The following CBFA2T3 variants were observed in gnomAD, a reference collection of about 807,000 sequenced individuals.
CBFA2T3 encodes transcriptional corepressor CBFA2T3.
In CBFA2T3, 31 loss-of-function variants were observed where a neutral mutation model predicts 58.6. The observed-to-expected ratio is 0.53, with a 90% CI of 0.40 to 0.71. The LOEUF (loss-of-function observed/expected upper bound fraction) is 0.71. CBFA2T3 is among the 30% of genes least tolerant of loss of function. The pLI is 0.00. For missense variants in CBFA2T3, 1,076 were observed against 963.1 expected, an observed-to-expected ratio of 1.12 and a Z score of -1.55; for synonymous variants, 531 against 421.9, an observed-to-expected ratio of 1.26 and a Z score of -3.17.
intron 11 of CBFA2T3, 22 bp from the exon 12 acceptor site, chr16:88,877,297 A>T: frequency 6.5e-7 from 1 of 1,531,078 alleles, no homozygotes; most frequent in Non-Finnish European, 8.8e-7. Context: ...CAGAGGGGCC[A>T]GTCAGGGCTG....
intron 1 of CBFA2T3, among the ~76,000 whole-genome samples, chr16:88,949,906 A>G (rs899933661): frequency 2.0e-5 from 3 of 152,022 alleles, no homozygotes; most frequent in Non-Finnish European, 4.4e-5. Context: ...GCTATTGGGG[A>G]GGCTGAGGCA....
intron 1 of CBFA2T3, among the ~76,000 whole-genome samples, chr16:88,919,212 G>A (rs7190075): frequency 6.6e-6 from 1 of 151,594 alleles, no homozygotes; most frequent in Non-Finnish European, 1.5e-5. Flanking sequence ...TCTAAGTTGC[G>A]AGCCAATCGG....
intron 2 of CBFA2T3, among the ~76,000 whole-genome samples, chr16:88,898,564 C>T (rs2911455): frequency 6.6e-6 from 1 of 152,232 alleles, no homozygotes; most frequent in African/African-American, 2.4e-5. Flanking sequence ...AGGGGCGGGG[C>T]CCCTTGTTTT....
intron 2 of CBFA2T3, among the ~76,000 whole-genome samples, chr16:88,899,166 G>A (rs913039824): frequency 3.3e-5 from 5 of 150,356 alleles, no homozygotes; most frequent in Middle Eastern, 3.5e-3. Flanking sequence ...TCAAGTCTCC[G>A]TTCAGACTCA....
chr16:88,884,909 C>A, intron 7 of CBFA2T3, 137 bp downstream of exon 7: 1 of 640,774 alleles, frequency 1.6e-6, no homozygotes, highest in Non-Finnish European at 2.6e-6. Flanking sequence ...GAATGCCAGG[C>A]AGGGGGAAGG....
chr16:88,932,111 A>G (rs1971328641), intron 1 of CBFA2T3, among the ~76,000 whole-genome samples: 1 of 152,028 alleles, frequency 6.6e-6, no homozygotes, highest in African/African-American at 2.4e-5. Context: ...CACCCGACGC[A>G]GTGACCTTGG....
Position 88,885,743 on chromosome 16 carries a change from C to G in CBFA2T3, c.893+218G>C, listed in dbSNP as rs1393126142. On this transcript the variant is annotated intron_variant, in intron 6 of 11. Coordinates refer to ENST00000268679, the MANE Select transcript of CBFA2T3 (RefSeq NM_005187.6). This position sits in a 1 kb window ranked among gnomAD's most constrained non-coding sequence, Gnocchi z 5.3. ...CCAGCCTCCTCCCTGTCCTCCTAGG[C>G]TCCCCGGAGCATCTGAGTCTGCAGC... The G allele has an allele frequency of 1.8e-6, 1 of 565,690 alleles. No homozygotes were observed. The highest frequency in any genetic ancestry group is 3.1e-6 in the Non-Finnish European group (1 of 318,108). The allele number at this position is 565,690 out of a possible 1,614,324, so 35.0% of individuals were successfully genotyped here. A position where few individuals can be genotyped will look rare whatever the true frequency, so the allele number is the denominator to read the frequency against.
At position 88,890,726 on chromosome 16, in the gene CBFA2T3, A is replaced by ATTCG. The variant is rs557047854; in HGVS notation, c.711+1152_711+1155dup. Among the ~76,000 whole-genome samples the ATTCG allele has an allele frequency of 1.3e-3, 193 of 151,934 alleles. 1 individual carries two copies. Among genetic ancestry groups the ATTCG allele is most frequent in the African/African-American group, 4.1e-3 (171 of 41,384 alleles). On this transcript the variant is annotated intron_variant, in intron 5 of 11. Transcript: ENST00000268679. ...GCTTCATTCATTCATTCATTCATTC[A>ATTCG]TTCGTTCAGAGACAGGGTGTTGCTC...
chr16:88,960,756 G>C (rs561070828), intron 1 of CBFA2T3, among the ~76,000 whole-genome samples: 2 of 152,346 alleles, frequency 1.3e-5, no homozygotes, highest in African/African-American at 2.4e-5. Flanking sequence ...TCTGGGTTTG[G>C]TCATGTAGAA....
rs149572298 is a variant in CBFA2T3 at position 88,899,821 on chromosome 16, C to T, written c.305-1669G>A. 7.9e-5 allele frequency among the ~76,000 whole-genome samples: 12 copies of T among 152,276 alleles called. No homozygotes were observed. The East Asian group carries it at 1.9e-3, about 25-fold the overall frequency. The stretch of plus-strand genomic sequence containing the variant: ...GCCCATGGCCGGGTCTCCCGTGGTC[C>T]GTCCTGAGCGTTTCCTCCCCCGGGG... On this transcript the variant is annotated intron_variant, in intron 2 of 11. Coordinates refer to ENST00000268679, the MANE Select transcript of CBFA2T3 (RefSeq NM_005187.6).
rs1183455372 is a variant in CBFA2T3 at position 88,875,417 on chromosome 16, CG to C, written c.*1558del. ...GACACACCCCAGGGCCAGAGGCGAA[CG>C]CATCTGAGGGGTGGCTGGGCAGGAG... On this transcript the variant is annotated 3_prime_UTR_variant, in exon 12 of 12. Coordinates refer to ENST00000268679, the MANE Select transcript of CBFA2T3 (RefSeq NM_005187.6). The C allele has an allele frequency of 4.3e-6, 1 of 232,622 alleles. No homozygotes were observed. Among genetic ancestry groups the C allele is most frequent in the Non-Finnish European group, 8.5e-6 (1 of 118,168 alleles). 14.4% of individuals were successfully genotyped at this position (232,622 alleles called of 1,614,324 possible). A position where few individuals can be genotyped will look rare whatever the true frequency, so the allele number is the denominator to read the frequency against.
In CBFA2T3 at chr16:88,885,733, T is replaced by A; in HGVS notation, c.893+228A>T. ...CGTCCTCCCACCAGCCTCCTCCCTG[T>A]CCTCCTAGGCTCCCCGGAGCATCTG... On this transcript the variant is annotated intron_variant, in intron 6 of 11. Coordinates refer to ENST00000268679, the MANE Select transcript of CBFA2T3 (RefSeq NM_005187.6). This position sits in a 1 kb window ranked among gnomAD's most constrained non-coding sequence, Gnocchi z 5.3. 1.8e-6 allele frequency: 1 copy of A among 549,810 alleles called. No individual in the cohort carries two copies. The highest frequency in any genetic ancestry group is 3.2e-6 in the Non-Finnish European group (1 of 309,260). 34.1% of individuals were successfully genotyped at this position (549,810 alleles called of 1,614,324 possible). A position where few individuals can be genotyped will look rare whatever the true frequency, so the allele number is the denominator to read the frequency against.
At chr16:88,925,585 C>A (rs1971060460) in intron 1 of CBFA2T3, among the ~76,000 whole-genome samples, 2 of 152,214 alleles carry the variant, frequency 1.3e-5, no homozygotes, top group South Asian at 2.1e-4. Context: ...GTGGCAGACA[C>A]AGGCTCAGAG....
intron 1 of CBFA2T3, among the ~76,000 whole-genome samples, chr16:88,923,874 A>G (rs1971002566): frequency 6.6e-6 from 1 of 152,148 alleles, no homozygotes; most frequent in Non-Finnish European, 1.5e-5. Context: ...CCGGGGGAGG[A>G]GCCCAGTCAA....
Position 88,885,177 on chromosome 16 carries a change from G to C in CBFA2T3, c.986C>G (p.Pro329Arg), listed in dbSNP as rs1234695339. The change falls in exon 7 of 12, where the codon CCC (proline) becomes CGC (arginine). Residue 329 changes from proline (P) to arginine (R), a missense_variant. By Grantham distance (103) the Pro-to-Arg change is moderately radical (BLOSUM62 -2). Transcript: ENST00000268679. This position sits in a 1 kb window ranked among gnomAD's most constrained non-coding sequence, Gnocchi z 5.3. ...TGTGGGCTGCGGTGGCCCGTTGCTG[G>C]GGCTGTAGCGCTGGGCAGGGTTCAG... ...CTLNPAQRYS[P>R]SNGPPQPTPP... is the part of the protein sequence containing the mutation. 4 of 1,603,684 alleles carry C rather than the reference G, an allele frequency of 2.5e-6. No homozygotes were observed. The highest frequency in any genetic ancestry group is 3.4e-6 in the Non-Finnish European group (4 of 1,174,916).
intron 5 of CBFA2T3, among the ~76,000 whole-genome samples, chr16:88,890,487 A>T (rs1009738265): frequency 2.0e-5 from 3 of 152,190 alleles, no homozygotes; most frequent in Non-Finnish European, 4.4e-5. Flanking sequence ...GCAGCTCCCA[A>T]CTAAGCTCCA....
Position 88,886,076 on chromosome 16 carries a change from G to A in CBFA2T3, c.778C>T (p.Gln260Ter). Reference protein sequence around the residue: ...CARLAKQTPAQYLAQHEQLLL... With the variant: ...CARLAKQTPA The stretch of plus-strand genomic sequence containing the variant: ...AGCTGCTCATGCTGGGCCAAGTACT[G>A]GGCGGGCGTCTGCTTGGCCAGGCGT... Residue 260 changes from glutamine (Q) to a stop codon, truncating the protein, a stop_gained, in exon 6 of 12, where the codon CAG (glutamine) becomes TAG (stop). Transcript: ENST00000268679. LOFTEE classifies it high-confidence loss of function. 1 of 1,591,712 alleles carries A rather than the reference G, an allele frequency of 6.3e-7. No individual in the cohort carries two copies. Among genetic ancestry groups the A allele is most frequent in the Non-Finnish European group, 8.5e-7 (1 of 1,175,058 alleles).
In CBFA2T3 at chr16:88,885,913, C is replaced by T. The variant is rs770633144; in HGVS notation, c.893+48G>A. 10 of 1,493,792 alleles carry T rather than the reference C, an allele frequency of 6.7e-6. No homozygotes were observed. Among genetic ancestry groups the T allele is most frequent in the South Asian group, 2.4e-5 (2 of 82,452 alleles). The allele number at this position is 1,493,792 out of a possible 1,614,324, so 92.5% of individuals were successfully genotyped here. A position where few individuals can be genotyped will look rare whatever the true frequency, so the allele number is the denominator to read the frequency against. On this transcript the variant is annotated intron_variant, in intron 6 of 11. Transcript: ENST00000268679. The surrounding 1 kb of genome is among the most constrained non-coding windows in gnomAD (Gnocchi z 5.3). Reference sequence around the variant, plus strand: ...TTACCCAGAGGGGAGCAGGGTGAGCCGCGTGTCCACGGCACCCCCAGCCCA... The same window carrying T: ...TTACCCAGAGGGGAGCAGGGTGAGCTGCGTGTCCACGGCACCCCCAGCCCA...
At chr16:88,956,265 C>T (rs527646939) in intron 1 of CBFA2T3, among the ~76,000 whole-genome samples, 1 of 152,376 alleles carries the variant, frequency 6.6e-6, no homozygotes, top group Admixed American at 6.5e-5. Context: ...TGACGGAGGG[C>T]GAAGACCTGC....
Sources: gnomAD v4.1 joint callset for allele counts (sites outside exome capture counted in the v4.1 genomes callset) on GRCh38, gnomAD v4.1.1 for gene constraint, Gnocchi (gnomAD v3.1) non-coding constraint, MANE v1.5 for transcripts, NCBI Gene and HGNC (gene_info 2026-07-23, HGNC 2026-07-21) for gene names.